SSTR3: variants seen among roughly 807,000 people sequenced by gnomAD.
The protein encoded by SSTR3 is somatostatin receptor type 3.
For synonymous variants in SSTR3, 281 were observed against 269.2 expected (o/e 1.04, Z -0.43); for missense variants, 504 against 604.7 (o/e 0.83, Z 1.75).
In SSTR3 at chr22:37,207,718, C is replaced by A; in HGVS notation, c.86G>T (p.Gly29Val). ...SSAWPPDATLGNVSAGPSPAG... is the reference protein window; with the variant it reads ...SSAWPPDATLVNVSAGPSPAG... ...CGGGCTTGGGCCCGCCGACACGTTG[C>A]CCAGGGTGGCATCTGGGGGCCAGGC... Residue 29 changes from glycine (G) to valine (V), a missense_variant, in exon 2 of 2, where the codon GGC becomes GTC. Physicochemically the swap from Gly to Val is moderately radical, Grantham distance 109. Transcript: ENST00000610913. The A allele has an allele frequency of 6.5e-7, 1 of 1,535,918 alleles. No individual in the cohort carries two copies. The highest frequency in any genetic ancestry group is 8.8e-7 in the Non-Finnish European group (1 of 1,141,182).
chr22:37,208,804 C>T (rs1347372768), intron 1 of SSTR3, among the ~76,000 whole-genome samples: 2 of 152,214 alleles, frequency 1.3e-5, no homozygotes, highest in East Asian at 3.8e-4. Context: ...TTTGGACCCT[C>T]CCCATTGCTT....
chr22:37,206,772 G>A lies in SSTR3; in HGVS notation c.1032C>T (p.Pro344=), dbSNP rs776218134. ...CATCCTCCTCCTCAGTCTTCTCCGG[G>A]GGCCCCACAGTGGGCTCCTGGCTGC... The part of the protein sequence containing the change: ...RVRSQEPTVG[P]PEKTEEEDEE... The change falls in exon 2 of 2, where the codon CCC becomes CCT. Residue 344 remains proline (P), a synonymous_variant. Coordinates refer to ENST00000610913, the MANE Select transcript of SSTR3 (RefSeq NM_001051.5). 4 of 1,610,578 alleles carry A rather than the reference G, an allele frequency of 2.5e-6. No homozygotes were observed. The Admixed American group carries it at 6.7e-5, about 27-fold the overall frequency.
At chr22:37,215,212 A>C (rs1338696882), upstream of SSTR3, among the ~76,000 whole-genome samples, 1 of 151,918 alleles carries the variant, frequency 6.6e-6, no homozygotes, top group Non-Finnish European at 1.5e-5. Context: ...TATATATGCT[A>C]TTATTTTTTC....
the SSTR3 span, among the ~76,000 whole-genome samples, chr22:37,220,182 G>A: frequency 1.3e-5 from 2 of 152,172 alleles, no homozygotes; most frequent in Non-Finnish European, 2.9e-5. Context: ...AGGAGGAGGT[G>A]ATCGAGATTG....
rs1925846273 is a variant in SSTR3 at position 37,207,114 on chromosome 22, C to A, written c.690G>T (p.Val230=). The stretch of plus-strand genomic sequence containing the variant: ...GGCGCCCAGCTGAGCGCACCTTCAC[C>A]ACGATGAGCAGGTAGCAGAGGCAGA... The part of the protein sequence containing the change: ...LVICLCYLLI[V]VKVRSAGRRV... The change falls in exon 2 of 2, where the codon GTG becomes GTT. Residue 230 remains valine, a synonymous_variant. Coordinates refer to ENST00000610913, the MANE Select transcript of SSTR3 (RefSeq NM_001051.5). 6.2e-7 allele frequency: 1 copy of A among 1,612,488 alleles called. No homozygotes were observed. The highest frequency in any genetic ancestry group is 8.5e-7 in the Non-Finnish European group (1 of 1,179,694).
At chr22:37,213,724 C>T (rs1287481953), upstream of SSTR3, among the ~76,000 whole-genome samples, 1 of 152,186 alleles carries the variant, frequency 6.6e-6, no homozygotes, top group Middle Eastern at 3.2e-3. Flanking sequence ...GTGGGTTTTC[C>T]ATGGCACTGA....
chr22:37,216,795 T>C (rs1480890318), upstream of SSTR3, among the ~76,000 whole-genome samples: 1 of 151,658 alleles, frequency 6.6e-6, no homozygotes, highest in South Asian at 2.1e-4. Flanking sequence ...TTGGGGTTTT[T>C]TTGTTTTGTT....
At chr22:37,208,676 G>T (rs952521590) in intron 1 of SSTR3, among the ~76,000 whole-genome samples, 1 of 152,188 alleles carries the variant, frequency 6.6e-6, no homozygotes, top group Non-Finnish European at 1.5e-5. Flanking sequence ...GAGCCCCCCC[G>T]CACTCCAGGT....
upstream of SSTR3, among the ~76,000 whole-genome samples, chr22:37,217,229 G>T (rs1926485827): frequency 6.6e-6 from 1 of 151,980 alleles, no homozygotes; most frequent in Non-Finnish European, 1.5e-5. Flanking sequence ...GATTGAGAAT[G>T]ACTCTGACTC....
chr22:37,215,146 A>G (rs974225450), upstream of SSTR3, among the ~76,000 whole-genome samples: 2 of 152,248 alleles, frequency 1.3e-5, no homozygotes, highest in African/African-American at 2.4e-5. Flanking sequence ...GCCTCGGTGC[A>G]TACATCCCAA....
Position 37,206,873 on chromosome 22 carries a change from T to C in SSTR3, c.931A>G (p.Ile311Val), listed in dbSNP as rs1402653871. 6.2e-7 allele frequency: 1 copy of C among 1,613,368 alleles called. No homozygotes were observed. The highest frequency in any genetic ancestry group is 8.5e-7 in the Non-Finnish European group (1 of 1,180,014). The change falls in exon 2 of 2, where the codon ATC becomes GTC. Residue 311 changes from isoleucine (I) to valine (V), a missense_variant. By Grantham distance (29) the Ile-to-Val change is conservative (BLOSUM62 3). Transcript: ENST00000610913. ...LPYANSCANP[I>V]LYGFLSYRFK... is the part of the protein sequence containing the mutation. ...CGGTAGGAGAGGAAGCCATAAAGGA[T>C]GGGGTTGGCACAGCTGTTGGCATAG...
chr22:37,206,714 C>G lies in SSTR3; in HGVS notation c.1090G>C (p.Gly364Arg), dbSNP rs1002263290. The change falls in exon 2 of 2, where the codon GGG becomes CGG. Residue 364 changes from glycine (G) to arginine (R), a missense_variant. Transcript: ENST00000610913. ...EEEDGEESRE[G>R]GKGKEMNGRV... is the part of the protein sequence containing the mutation. The stretch of plus-strand genomic sequence containing the variant: ...CCGTTCATCTCCTTCCCCTTGCCCC[C>G]CTCCCTGCTCTCCTCCCCATCCTCC... 8 of 1,608,754 alleles carry G rather than the reference C, an allele frequency of 5.0e-6. No homozygotes were observed. In the Admixed American group the frequency reaches 5.0e-5, roughly 10 times the overall value.
chr22:37,212,518 G>T (rs1926256577), upstream of SSTR3, among the ~76,000 whole-genome samples: 1 of 150,860 alleles, frequency 6.6e-6, no homozygotes, highest in Admixed American at 6.6e-5. Context: ...GGTGTGGGGG[G>T]TGGGGGCGGG....
rs1173180631 is a variant in SSTR3, at chr22:37,206,721, G to A, written c.1083C>T (p.Ser361=). 4 of 1,608,490 alleles carry A rather than the reference G, an allele frequency of 2.5e-6. No homozygotes were observed. Among genetic ancestry groups the A allele is most frequent in the African/African-American group, 2.7e-5 (2 of 74,870 alleles). The change falls in exon 2 of 2, where the codon AGC becomes AGT. Residue 361 remains serine, a synonymous_variant. Transcript: ENST00000610913. ...TCTCCTTCCCCTTGCCCCCCTCCCT[G>A]CTCTCCTCCCCATCCTCCTCCTCCT... ...EDEEEEDGEE[S]REGGKGKEMN...
rs34198022 is a variant in SSTR3 at position 37,212,030 on chromosome 22, C to T, written c.-242G>A. ...CACAGAGCCTCTCCCATCTGGTCTC[C>T]GGCCCTGACTTCCCAACCAGAGCCT... On this transcript the variant is annotated 5_prime_UTR_variant, in exon 1 of 2. Transcript: ENST00000610913. 13,754 of 985,804 alleles carry T rather than the reference C, an allele frequency of 0.014. 97 individuals carry two copies. The highest frequency in any genetic ancestry group is 0.016 in the Non-Finnish European group (13,050 of 830,242). 61.1% of individuals were successfully genotyped at this position (985,804 alleles called of 1,614,324 possible).
At chr22:37,214,519 G>A (rs1464607437), upstream of SSTR3, among the ~76,000 whole-genome samples, 1 of 152,170 alleles carries the variant, frequency 6.6e-6, no homozygotes, top group Non-Finnish European at 1.5e-5. Context: ...ATTTGGGCGG[G>A]AGGCGGGGGG....
In SSTR3 at chr22:37,207,753, A is replaced by G; in HGVS notation, c.51T>C (p.Asn17=). 1 of 1,520,834 alleles carries G rather than the reference A, an allele frequency of 6.6e-7. No homozygotes were observed. The highest frequency in any genetic ancestry group is 8.8e-7 in the Non-Finnish European group (1 of 1,134,040). 94.2% of individuals were successfully genotyped at this position (1,520,834 alleles called of 1,614,324 possible). A position where few individuals can be genotyped will look rare whatever the true frequency, so the allele number is the denominator to read the frequency against. Reference sequence around the variant, plus strand: ...CATCTGGGGGCCAGGCCGAGGAGGCATTCTCAGGTTCTGAGGTCGTGGACA... The same window carrying G: ...CATCTGGGGGCCAGGCCGAGGAGGCGTTCTCAGGTTCTGAGGTCGTGGACA... ...SSVSTTSEPE[N]ASSAWPPDAT... Residue 17 remains asparagine, a synonymous_variant, in exon 2 of 2, where the codon AAT becomes AAC. Coordinates refer to ENST00000610913, the MANE Select transcript of SSTR3 (RefSeq NM_001051.5).
chr22:37,211,042 A>G, intron 1 of SSTR3: 5 of 938,444 alleles, frequency 5.3e-6, no homozygotes, highest in Non-Finnish European at 6.4e-6. Context: ...AGGTTGAGTA[A>G]GCTGCAAAGG....
chr22:37,207,375 C>G lies in SSTR3; in HGVS notation c.429G>C (p.Leu143=). 2.5e-6 allele frequency: 4 copies of G among 1,611,548 alleles called. No individual in the cohort carries two copies. Among genetic ancestry groups the G allele is most frequent in the Non-Finnish European group, 3.4e-6 (4 of 1,178,664 alleles). ...CLTVMSVDRY[L]AVVHPTRSAR... Reference sequence around the variant, plus strand: ...CCGAGCGGGTGGGATGTACCACGGCCAGGTAGCGGTCCACGCTCATGACAG... The same window carrying G: ...CCGAGCGGGTGGGATGTACCACGGCGAGGTAGCGGTCCACGCTCATGACAG... The change falls in exon 2 of 2, where the codon CTG becomes CTC. Residue 143 remains leucine (L), a synonymous_variant. Transcript: ENST00000610913.
Sources: gnomAD v4.1 joint callset for allele counts (sites outside exome capture counted in the v4.1 genomes callset) on GRCh38, gnomAD v4.1.1 for gene constraint, MANE v1.5 for transcripts, NCBI Gene and HGNC (gene_info 2026-07-23, HGNC 2026-07-21) for gene names.